The following PPP2R5C variants were observed in gnomAD, a reference collection of about 807,000 sequenced individuals.
PPP2R5C encodes the protein protein phosphatase 2 regulatory subunit B'gamma.
PPP2R5C carries 7 observed loss-of-function variants against 68.9 expected under a neutral mutation model. The ratio of observed to expected loss-of-function variants is 0.10; its 90% CI spans 0.06 to 0.19. The LOEUF (loss-of-function observed/expected upper bound fraction) is 0.19. Ranked by LOEUF, PPP2R5C falls within the 10% of genes least tolerant of loss-of-function variation. PPP2R5C has a pLI of 1.00. For missense variants in PPP2R5C, 348 were observed against 641.3 expected (o/e 0.54, Z 4.94); for synonymous variants, 210 against 222.2 (o/e 0.95, Z 0.49).
At chr14:101,857,890 A>G (rs2042518304) in intron 2 of PPP2R5C, among the ~76,000 whole-genome samples, 1 of 152,144 alleles carries the variant, frequency 6.6e-6, no homozygotes, top group African/African-American at 2.4e-5. Flanking sequence ...GGACTTCTTG[A>G]CCTAAAATAC....
chr14:101,791,894 T>C (rs1201279843), intron 3 of PPP2R5C, among the ~76,000 whole-genome samples: 1 of 152,110 alleles, frequency 6.6e-6, no homozygotes, highest in Non-Finnish European at 1.5e-5. Context: ...TGTACCTGAT[T>C]TTTTTTATTG....
chr14:101,828,546 A>C (rs1285019115), intron 1 of PPP2R5C, among the ~76,000 whole-genome samples: 1 of 152,160 alleles, frequency 6.6e-6, no homozygotes, highest in Non-Finnish European at 1.5e-5. Context: ...ATACATATAC[A>C]CAAAGAACAT....
chr14:101,851,528 T>G (rs766914534), intron 1 of PPP2R5C, among the ~76,000 whole-genome samples: 4 of 152,214 alleles, frequency 2.6e-5, no homozygotes, highest in Non-Finnish European at 5.9e-5. Flanking sequence ...CTTCAGCTGC[T>G]TAGTGAATAT....
chr14:101,826,092 T>G (rs1186297703), intron 1 of PPP2R5C, among the ~76,000 whole-genome samples: 1 of 152,208 alleles, frequency 6.6e-6, no homozygotes, highest in Non-Finnish European at 1.5e-5. Context: ...TTTCTCATAC[T>G]GTGGGTTGTC....
intron 3 of PPP2R5C, among the ~76,000 whole-genome samples, chr14:101,794,137 G>A (rs954187717): frequency 2.0e-5 from 3 of 152,184 alleles, no homozygotes; most frequent in Admixed American, 6.5e-5. Flanking sequence ...CAGGCTTTTC[G>A]GCTTGAGGCT....
chr14:101,856,699 T>C, exon 2 of PPP2R5C: 2 of 1,614,088 alleles, frequency 1.2e-6, no homozygotes, highest in Non-Finnish European at 1.7e-6. Flanking sequence ...TTCCTCCTGC[T>C]GATCAAGAGA....
At position 101,913,036 on chromosome 14, in the gene PPP2R5C, G is replaced by A. The variant is rs541500010; in HGVS notation, c.1326+563G>A. ...GGTGAGTCTGCGCCGATGGCCGGAC[G>A]TCCCGGAGCTGCCGGCAGTTCCAGC... On this transcript the variant is annotated intron_variant, in intron 12 of 13. Coordinates refer to ENST00000334743, the Ensembl canonical transcript of PPP2R5C. The surrounding 1 kb of genome is among the most constrained non-coding windows in gnomAD (Gnocchi z 4.1). Among the ~76,000 whole-genome samples the A allele has an allele frequency of 1.1e-4, 17 of 152,204 alleles. No homozygotes were observed. Among genetic ancestry groups the A allele is most frequent in the African/African-American group, 3.1e-4 (13 of 41,438 alleles).
chr14:101,795,574 T>A (rs2038568146), intron 3 of PPP2R5C, among the ~76,000 whole-genome samples: 2 of 152,066 alleles, frequency 1.3e-5, no homozygotes, highest in Non-Finnish European at 2.9e-5. Flanking sequence ...TTTGAGGCCA[T>A]TTTTAGAAAA....
chr14:101,918,356 ACCTCACCCTCCTTGCCCCTCCCCCTGTCC>A (rs1475254297), intron 13 of PPP2R5C, among the ~76,000 whole-genome samples: 13 of 134,790 alleles, frequency 9.6e-5, no homozygotes, highest in South Asian at 2.5e-4. Flanking sequence ...TCCCTAGGAC[ACCTCACCCTCCTTGCCCCTCCCCCTGTCC>A]CCTCACCCCC....
At chr14:101,761,756 A>G (rs1191672790), upstream of PPP2R5C, 92 of 955,626 alleles carry the variant, frequency 9.6e-5, no homozygotes, top group African/African-American at 1.9e-3. Context: ...AGGGGAAGCG[A>G]GAGCAAGCGA....
Position 101,761,931 on chromosome 14 carries a change from G to C in PPP2R5C, c.27+11G>C. 8.4e-7 allele frequency: 1 copy of C among 1,191,360 alleles called. No individual in the cohort carries two copies. The highest frequency in any genetic ancestry group is 1.0e-6 in the Non-Finnish European group (1 of 952,470). The allele number at this position is 1,191,360 out of a possible 1,614,324, so 73.8% of individuals were successfully genotyped here. ...AACAAGAAGGAGAAAGTGAGTCCGG[G>C]CCCGGCCGCGGGACGGAGGGAGCAG... On this transcript the variant is annotated intron_variant, in intron 1 of 14. Coordinates refer to the PPP2R5C transcript ENST00000328724.
At chr14:101,898,920 T>C (rs1425752480) in intron 8 of PPP2R5C, among the ~76,000 whole-genome samples, 1 of 152,186 alleles carries the variant, frequency 6.6e-6, no homozygotes, top group East Asian at 1.9e-4. Flanking sequence ...TTGGTGCAGG[T>C]GTACATCTCT....
chr14:101,835,116 G>C lies in PPP2R5C; in HGVS notation c.95-21570G>C, dbSNP rs773513915. On this transcript the variant is annotated intron_variant, in intron 1 of 13. Coordinates refer to ENST00000334743, the Ensembl canonical transcript of PPP2R5C. This position sits in a 1 kb window ranked among gnomAD's most constrained non-coding sequence, Gnocchi z 5.0. ...ACTGGGAGTCTCTGATTCCAGCACAGCCGACTGTCCAGCAACCCCAGAATT... is the reference window on the plus strand; with the variant it reads ...ACTGGGAGTCTCTGATTCCAGCACACCCGACTGTCCAGCAACCCCAGAATT... Among the ~76,000 whole-genome samples the C allele has an allele frequency of 2.6e-5, 4 of 152,226 alleles. No individual in the cohort carries two copies. Among genetic ancestry groups the C allele is most frequent in the Non-Finnish European group, 5.9e-5 (4 of 68,042 alleles).
At chr14:101,767,424 A>G (rs1023978352) in intron 2 of PPP2R5C, among the ~76,000 whole-genome samples, 2 of 152,208 alleles carry the variant, frequency 1.3e-5, no homozygotes, top group Non-Finnish European at 2.9e-5. Context: ...AAGAGTTTTT[A>G]CCTGAGTAAG....
chr14:101,761,077 AAGGGG>A (rs1175956652), upstream of PPP2R5C, among the ~76,000 whole-genome samples: 6 of 47,688 alleles, frequency 1.3e-4, no homozygotes, highest in South Asian at 7.4e-4. Context: ...GAGAGGAGGG[AAGGGG>A]AGGGGAGGGA....
chr14:101,925,439 A>G, exon 14 of PPP2R5C: 2 of 1,233,860 alleles, frequency 1.6e-6, no homozygotes, highest in Non-Finnish European at 2.2e-6. Flanking sequence ...GAGTTCAAAC[A>G]ATGGTGACTT....
At chr14:101,848,801 C>T (rs2140488868) in intron 1 of PPP2R5C, among the ~76,000 whole-genome samples, 1 of 152,304 alleles carries the variant, frequency 6.6e-6, no homozygotes, top group South Asian at 2.1e-4. Flanking sequence ...TCACTAGGTT[C>T]TTTCCATTTT....
intron 8 of PPP2R5C, 83 bp downstream of exon 10, chr14:101,894,643 C>A: frequency 7.5e-7 from 1 of 1,339,738 alleles, no homozygotes; most frequent in Non-Finnish European, 1.1e-6. Context: ...CACCAAATTG[C>A]CATTCATTCA....
intron 1 of PPP2R5C, chr14:101,818,942 A>C (rs12433720): frequency 0.072 from 100,714 of 1,397,080 alleles, 4,215 homozygotes; most frequent in Admixed American, 0.16. Flanking sequence ...ATGTGTTCTA[A>C]TTATGGTATT....
Sources: gnomAD v4.1 joint callset for allele counts (sites outside exome capture counted in the v4.1 genomes callset) on GRCh38, gnomAD v4.1.1 for gene constraint, Gnocchi (gnomAD v3.1) non-coding constraint, MANE v1.5 for transcripts, NCBI Gene and HGNC (gene_info 2026-07-23, HGNC 2026-07-21) for gene names.